Variants in RAB3C observed in about 807,000 individuals in gnomAD.
The protein encoded by RAB3C is ras-related protein Rab-3C.
A neutral mutation model predicts 26.4 loss-of-function variants in RAB3C; 17 were observed. The observed-to-expected ratio is 0.64, with a 90% CI of 0.44 to 0.97. The LOEUF (loss-of-function observed/expected upper bound fraction) is 0.97, where lower values mean the gene tolerates loss of function less well. Among genes scored for constraint, RAB3C ranks in the 50% least tolerant of loss-of-function variants. RAB3C has a pLI of 0.00. For synonymous variants in RAB3C, 91 were observed against 95.9 expected (o/e 0.95, Z 0.30); for missense variants, 242 against 281.9 (o/e 0.86, Z 1.01).
intron 2 of RAB3C, among the ~76,000 whole-genome samples, chr5:58,705,061 T>C (rs1238618613): frequency 6.6e-6 from 1 of 151,890 alleles, no homozygotes; most frequent in Non-Finnish European, 1.5e-5. Context: ...TTTATTATTT[T>C]TAAATATCAC....
At chr5:58,604,354 C>T (rs759928375) in intron 1 of RAB3C, among the ~76,000 whole-genome samples, 22 of 152,276 alleles carry the variant, frequency 1.4e-4, no homozygotes, top group South Asian at 4.1e-4. Context: ...CGGCGGTAGG[C>T]GGGGCCTTAG....
At chr5:58,790,195 CTA>C (rs992298912) in intron 3 of RAB3C, among the ~76,000 whole-genome samples, 14 of 152,150 alleles carry the variant, frequency 9.2e-5, no homozygotes, top group African/African-American at 3.4e-4. Context: ...CCTCATCTTC[CTA>C]TATGATATTT....
In RAB3C at chr5:58,710,471, C is replaced by T. The variant is rs552127756; in HGVS notation, c.253-15531C>T. On this transcript the variant is annotated intron_variant, in intron 2 of 4. Coordinates refer to ENST00000282878, the MANE Select transcript of RAB3C (RefSeq NM_138453.4). ...AAAATTAGCCCAGCATGGTGGCACA[C>T]GCCTGTAATCTCAGCTACTCAAGAG... 3.3e-5 allele frequency among the ~76,000 whole-genome samples: 5 copies of T among 151,890 alleles called. No homozygotes were observed. The South Asian group carries it at 6.2e-4, about 19-fold the overall frequency.
At chr5:58,588,213 T>C (rs946493119) in intron 1 of RAB3C, among the ~76,000 whole-genome samples, 18 of 152,166 alleles carry the variant, frequency 1.2e-4, no homozygotes, top group African/African-American at 4.3e-4. Flanking sequence ...TTCTCTTGGG[T>C]AAATACCTAA....
At chr5:58,765,658 C>G (rs1183491596) in intron 3 of RAB3C, among the ~76,000 whole-genome samples, 1 of 152,170 alleles carries the variant, frequency 6.6e-6, no homozygotes, top group Non-Finnish European at 1.5e-5. Context: ...TCAATATAGT[C>G]ATACATCATC....
At chr5:58,691,522 T>C (rs1748570556) in intron 2 of RAB3C, among the ~76,000 whole-genome samples, 1 of 152,034 alleles carries the variant, frequency 6.6e-6, no homozygotes, top group Non-Finnish European at 1.5e-5. Context: ...AATCCACTAA[T>C]TAAAAGATCT....
chr5:58,802,697 G>C (rs1168122385), intron 3 of RAB3C, among the ~76,000 whole-genome samples: 1 of 152,162 alleles, frequency 6.6e-6, no homozygotes, highest in Non-Finnish European at 1.5e-5. Flanking sequence ...GATCACATAA[G>C]GGTATGTACT....
intron 3 of RAB3C, among the ~76,000 whole-genome samples, chr5:58,775,124 G>T (rs1742099635): frequency 6.6e-6 from 1 of 152,116 alleles, no homozygotes; most frequent in African/African-American, 2.4e-5. Flanking sequence ...AGAGAGAAGT[G>T]CTGTGCACGA....
At chr5:58,712,588 G>A (rs925704191) in intron 2 of RAB3C, among the ~76,000 whole-genome samples, 11 of 152,070 alleles carry the variant, frequency 7.2e-5, no homozygotes, top group Non-Finnish European at 1.0e-4. Flanking sequence ...TCAGTGGAGC[G>A]ATCTTGGCTC....
At chr5:58,594,980 G>A (rs1273650892) in intron 1 of RAB3C, among the ~76,000 whole-genome samples, 1 of 151,760 alleles carries the variant, frequency 6.6e-6, no homozygotes, top group East Asian at 1.9e-4. Context: ...TCAGGAAGAG[G>A]TATTCTTGTA....
chr5:58,839,052 A>T (rs1363711277), intron 4 of RAB3C, among the ~76,000 whole-genome samples: 1 of 151,776 alleles, frequency 6.6e-6, no homozygotes, highest in Non-Finnish European at 1.5e-5. Context: ...GCTTGAATGG[A>T]ACATCTTTTT....
chr5:58,770,322 T>C (rs557063255), intron 3 of RAB3C, among the ~76,000 whole-genome samples: 1 of 152,250 alleles, frequency 6.6e-6, no homozygotes, highest in African/African-American at 2.4e-5. Context: ...TGAAACAGCT[T>C]GAAATAGTGT....
At chr5:58,843,003 T>C (rs1743908652) in intron 4 of RAB3C, among the ~76,000 whole-genome samples, 1 of 152,222 alleles carries the variant, frequency 6.6e-6, no homozygotes, top group Admixed American at 6.5e-5. Context: ...GTTAAGAGTG[T>C]GGACTTTAGA....
intron 1 of RAB3C, among the ~76,000 whole-genome samples, chr5:58,615,460 A>T (rs1374437631): frequency 2.6e-5 from 4 of 152,184 alleles, no homozygotes; most frequent in Non-Finnish European, 5.9e-5. Flanking sequence ...TGAAAGGACA[A>T]TGTCTGCAGG....
At chr5:58,823,033 C>T in intron 3 of RAB3C, 1 of 592,974 alleles carries the variant, frequency 1.7e-6, no homozygotes, top group South Asian at 1.4e-5. Context: ...CTGTCCCTCA[C>T]AGTACCAGAT....
intron 3 of RAB3C, among the ~76,000 whole-genome samples, chr5:58,761,900 T>G (rs1401719152): frequency 6.6e-6 from 1 of 152,144 alleles, no homozygotes; most frequent in Non-Finnish European, 1.5e-5. Context: ...TTTATTTTTC[T>G]CTAGCATAGA....
chr5:58,707,988 C>CTTTTTTTTT (rs35213627), intron 2 of RAB3C, among the ~76,000 whole-genome samples: 1 of 142,568 alleles, frequency 7.0e-6, no homozygotes. Context: ...TCTTTCTTTC[C>CTTTTTTTTT]TTTTTTTTTT....
chr5:58,582,877 T>C (rs1311988223), upstream of RAB3C, among the ~76,000 whole-genome samples: 1 of 151,904 alleles, frequency 6.6e-6, no homozygotes, highest in Non-Finnish European at 1.5e-5. Flanking sequence ...CCAGGAGCGT[T>C]TGGAAAGGAG....
At chr5:58,705,220 T>C (rs947269569) in intron 2 of RAB3C, among the ~76,000 whole-genome samples, 2 of 152,146 alleles carry the variant, frequency 1.3e-5, no homozygotes, top group African/African-American at 4.8e-5. Context: ...AAACAACTAG[T>C]AGAATAACTA....
Sources: gnomAD v4.1 joint callset for allele counts (sites outside exome capture counted in the v4.1 genomes callset) on GRCh38, gnomAD v4.1.1 for gene constraint, MANE v1.5 for transcripts, NCBI Gene and HGNC (gene_info 2026-07-23, HGNC 2026-07-21) for gene names.